The following NAP1L1 variants were observed in gnomAD, a reference collection of about 807,000 sequenced individuals.
NAP1L1 encodes the protein nucleosome assembly protein 1-like 1.
NAP1L1 carries 9 observed loss-of-function variants against 58.9 expected under a neutral mutation model. The ratio of observed to expected loss-of-function variants is 0.15; its 90% confidence interval spans 0.09 to 0.27. The LOEUF is 0.27. NAP1L1 is among the 10% of genes least tolerant of loss of function. The pLI is 1.00. For missense variants in NAP1L1, 302 were observed against 458.8 expected (o/e 0.66, Z 3.12); for synonymous variants, 130 against 138.3 (o/e 0.94, Z 0.42).
intron 4 of NAP1L1, among the ~76,000 whole-genome samples, chr12:76,065,257 C>T (rs1209279511): frequency 6.7e-6 from 1 of 148,912 alleles, no homozygotes; most frequent in East Asian, 2.0e-4. Context: ...AAAAAAAAAC[C>T]AAAGGTCAGA....
Position 76,040,176 on chromosome 12 carries a change from T to C in NAP1L1, c.*8253A>G, listed in dbSNP as rs1948539922. The C allele has an allele frequency of 6.6e-6, 1 of 152,178 alleles. No homozygotes were observed. The highest frequency in any genetic ancestry group is 2.1e-4 in the South Asian group (1 of 4,830). 9.4% of individuals were successfully genotyped at this position (152,178 alleles called of 1,614,324 possible). A position where few individuals can be genotyped will look rare whatever the true frequency, so the allele number is the denominator to read the frequency against. On this transcript the variant is annotated 3_prime_UTR_variant, in exon 15 of 15. Transcript: ENST00000618691. The stretch of plus-strand genomic sequence containing the variant: ...AGGCATACAATATGTAATTTAAGCT[T>C]TGATGTCTTTGGTCATTTTGGAAAA...
Position 76,060,246 on chromosome 12 carries a change from A to G in NAP1L1, c.240T>C (p.Ala80=). The stretch of plus-strand genomic sequence containing the variant: ...CACATTTAACTTGCAGGTTTTTGAG[A>G]GCATTCACTCGTCTTTTAACTACCC... ...LPRVVKRRVN[A]LKNLQVKCAQ... The change falls in exon 5 of 15, where the codon GCT becomes GCC. Residue 80 remains alanine (A), a synonymous_variant. Transcript: ENST00000618691. 6.2e-7 allele frequency: 1 copy of G among 1,613,946 alleles called. No individual in the cohort carries two copies. The highest frequency in any genetic ancestry group is 1.7e-5 in the Admixed American group (1 of 60,018).
At chr12:76,052,654 AG>A (rs1176061972) in intron 11 of NAP1L1, among the ~76,000 whole-genome samples, 1 of 152,242 alleles carries the variant, frequency 6.6e-6, no homozygotes, top group East Asian at 1.9e-4. Flanking sequence ...TCTATATGGC[AG>A]GAACATTTCA....
intron 2 of NAP1L1, among the ~76,000 whole-genome samples, chr12:76,073,332 C>T (rs913780725): frequency 6.6e-6 from 1 of 152,082 alleles, no homozygotes; most frequent in Non-Finnish European, 1.5e-5. Context: ...TATTTTAACA[C>T]GGGCTACTGT....
intron 11 of NAP1L1, among the ~76,000 whole-genome samples, chr12:76,050,988 T>C (rs868043680): frequency 7.9e-5 from 11 of 139,058 alleles, no homozygotes; most frequent in Middle Eastern, 4.3e-3. Context: ...CAGTGTACTC[T>C]AGCCTGGGCA....
chr12:76,080,336 G>A (rs566312828), intron 1 of NAP1L1, among the ~76,000 whole-genome samples: 1 of 152,266 alleles, frequency 6.6e-6, no homozygotes, highest in African/African-American at 2.4e-5. Flanking sequence ...GACAATAAAT[G>A]ATTTATTGGT....
At position 76,067,471 on chromosome 12, in the gene NAP1L1, G is replaced by T; in HGVS notation, c.106C>A (p.Arg36Ser). The change falls in exon 4 of 15, where the codon CGT becomes AGT. Residue 36 changes from arginine (R) to serine (S), a missense_variant and splice_region_variant. Coordinates refer to ENST00000618691, the MANE Select transcript of NAP1L1 (RefSeq NM_004537.7). The stretch of plus-strand genomic sequence containing the variant: ...TGCATCATCTGAACAGTTAGCTGAC[G>T]TGCTTTAAAAAAAAAAGGGCATCGA... Reference protein sequence around the residue: ...ETGEETKLKARQLTVQMMQNP... With the variant: ...ETGEETKLKASQLTVQMMQNP... The T allele has an allele frequency of 6.4e-7, 1 of 1,567,674 alleles. No homozygotes were observed. Among genetic ancestry groups the T allele is most frequent in the South Asian group, 1.1e-5 (1 of 88,226 alleles).
intron 6 of NAP1L1, 131 bp from the exon 7 acceptor site, chr12:76,056,292 C>A (rs1325206999): frequency 1.0e-5 from 9 of 881,108 alleles, no homozygotes; most frequent in Non-Finnish European, 1.4e-5. Context: ...TGTGTAAACA[C>A]CGCCGTTGCC....
At chr12:76,056,721 A>G (rs1337084259) in intron 6 of NAP1L1, 1 of 441,914 alleles carries the variant, frequency 2.3e-6, no homozygotes, top group Non-Finnish European at 4.5e-6. Context: ...TCTACAAACT[A>G]AAAACTGTAA....
intron 6 of NAP1L1, among the ~76,000 whole-genome samples, chr12:76,058,667 T>C (rs1202493725): frequency 6.6e-6 from 1 of 152,200 alleles, no homozygotes; most frequent in East Asian, 1.9e-4. Context: ...ATTACAGGCA[T>C]GAGCCACTGC....
intron 13 of NAP1L1, 182 bp from the exon 14 acceptor site, chr12:76,049,432 G>A: frequency 6.5e-7 from 1 of 1,534,726 alleles, no homozygotes; most frequent in Admixed American, 2.0e-5. Context: ...AACACAACTT[G>A]AGACATCCAG....
At chr12:76,070,747 A>G (rs528824451) in intron 2 of NAP1L1, among the ~76,000 whole-genome samples, 1 of 152,356 alleles carries the variant, frequency 6.6e-6, no homozygotes, top group African/African-American at 2.4e-5. Context: ...AAATCCTGGG[A>G]TGTTCAAGTC....
chr12:76,069,873 C>G (rs1949864279), intron 2 of NAP1L1, among the ~76,000 whole-genome samples: 1 of 151,786 alleles, frequency 6.6e-6, no homozygotes, highest in Admixed American at 6.6e-5. Flanking sequence ...GAGATTACAT[C>G]TAGCATTAGA....
At chr12:76,073,269 T>C (rs1279443281) in intron 2 of NAP1L1, among the ~76,000 whole-genome samples, 1 of 152,200 alleles carries the variant, frequency 6.6e-6, no homozygotes, top group Non-Finnish European at 1.5e-5. Context: ...CATTCGCTGA[T>C]GCCTACAACA....
At chr12:76,070,759 CTT>C (rs1441261179) in intron 2 of NAP1L1, among the ~76,000 whole-genome samples, 47 of 152,148 alleles carry the variant, frequency 3.1e-4, no homozygotes, top group Non-Finnish European at 5.6e-4. Context: ...GTTCAAGTCC[CTT>C]ATATAAAATG....
intron 12 of NAP1L1, 66 bp downstream of exon 12, chr12:76,050,465 C>A: frequency 6.6e-7 from 1 of 1,513,842 alleles, no homozygotes; most frequent in Non-Finnish European, 8.8e-7. Context: ...CTAAACTAAT[C>A]TATTACCAAT....
intron 4 of NAP1L1, among the ~76,000 whole-genome samples, chr12:76,066,988 A>G (rs1949706635): frequency 6.6e-6 from 1 of 152,058 alleles, no homozygotes; most frequent in African/African-American, 2.4e-5. Context: ...AACTGAATGG[A>G]TCTTAAAATC....
intron 3 of NAP1L1, 107 bp downstream of exon 3, chr12:76,068,792 CCAGTAGATAA>C: frequency 3.3e-6 from 2 of 609,932 alleles, no homozygotes; most frequent in South Asian, 3.5e-5. Context: ...GAAGTATGGA[CCAGTAGATAA>C]ATGGGACAAT....
rs1202572745 is a variant in NAP1L1 at position 76,061,122 on chromosome 12, A to T, written c.207-843T>A. The T allele has an allele frequency of 2.6e-5, 10 of 380,370 alleles. No homozygotes were observed. The Admixed American group carries it at 2.9e-4, about 11-fold the overall frequency. 23.6% of individuals were successfully genotyped at this position (380,370 alleles called of 1,614,324 possible). ...AAATAAATAACAGCTTTGATGAGAT[A>T]AAGTTCATACACCATACAATGAACT... On this transcript the variant is annotated intron_variant, in intron 4 of 14. Transcript: ENST00000618691.
Sources: allele counts gnomAD v4.1 joint callset (sites outside exome capture counted in the v4.1 genomes callset), GRCh38; gene constraint gnomAD v4.1.1; transcripts MANE v1.5; gene names NCBI Gene and HGNC (gene_info 2026-07-23, HGNC 2026-07-21).